Variants in NPNT observed in about 807,000 individuals in gnomAD.
NPNT encodes the protein nephronectin.
In NPNT, 45 loss-of-function variants were observed where a neutral mutation model predicts 68.6. The ratio of observed to expected loss-of-function variants is 0.66; its 90% CI spans 0.52 to 0.84. The LOEUF (loss-of-function observed/expected upper bound fraction) is 0.84. Ranked by LOEUF, NPNT falls within the 40% of genes least tolerant of loss-of-function variation. NPNT has a pLI of 0.00. For synonymous variants in NPNT, 233 were observed against 253.3 expected (o/e 0.92, Z 0.76); for missense variants, 672 against 714.8 (o/e 0.94, Z 0.68).
intron 8 of NPNT, among the ~76,000 whole-genome samples, chr4:105,954,847 A>G (rs1338565373): frequency 6.6e-6 from 1 of 152,182 alleles, no homozygotes; most frequent in Non-Finnish European, 1.5e-5. Context: ...CGTACTCACT[A>G]GCATCCTCTG....
In NPNT at chr4:105,897,945, G is replaced by A. The variant is rs1366879805; in HGVS notation, c.116G>A (p.Gly39Asp). Residue 39 changes from glycine to aspartate, a missense_variant, in exon 2 of 12, where the codon GGT becomes GAT. Coordinates refer to ENST00000379987, the MANE Select transcript of NPNT (RefSeq NM_001033047.3). ...IVSSIGLCRY[G>D]GRIDCCWGWA... ...TCATCGATTGGCCTATGTCGTTATG[G>A]TGGGAGGATTGACTGCTGCTGGGGC... 1.2e-6 allele frequency: 2 copies of A among 1,613,830 alleles called. No individual in the cohort carries two copies. The highest frequency in any genetic ancestry group is 1.7e-6 in the Non-Finnish European group (2 of 1,179,894).
intron 2 of NPNT, among the ~76,000 whole-genome samples, chr4:105,925,990 G>T (rs985241334): frequency 6.6e-6 from 1 of 152,128 alleles, no homozygotes. Context: ...CCACTCACCT[G>T]ATTGTTTCTC....
At chr4:105,958,751 A>G (rs1027004255) in intron 9 of NPNT, 194 bp downstream of exon 9, 139 of 519,216 alleles carry the variant, frequency 2.7e-4, no homozygotes, top group African/African-American at 2.5e-3. Flanking sequence ...AAAAAATTTT[A>G]AAGTAGTACT....
intron 9 of NPNT, 46 bp from the exon 10 acceptor site, chr4:105,958,982 T>C (rs1373878506): frequency 1.6e-6 from 2 of 1,230,426 alleles, no homozygotes; most frequent in African/African-American, 3.0e-5. Flanking sequence ...TTGTTGTTTT[T>C]TGTTGATTTT....
Position 105,951,026 on chromosome 4 carries a change from AAC to A in NPNT, c.1160-7441_1160-7440del, listed in dbSNP as rs763594819. Among the ~76,000 whole-genome samples, 117 of 152,130 alleles carry A rather than the reference AAC, an allele frequency of 7.7e-4. 2 individuals carry two copies. Among genetic ancestry groups the A allele is most frequent in the Admixed American group, 2.6e-4 (4 of 15,276 alleles). ...GACCAGAGACTCTGCATTTCTAACA[AAC>A]ACAGGTAATGTTTCTGATCTGCAGT... On this transcript the variant is annotated intron_variant, in intron 8 of 11. Coordinates refer to ENST00000379987, the MANE Select transcript of NPNT (RefSeq NM_001033047.3).
chr4:105,906,914 A>G (rs1404729177), intron 2 of NPNT, among the ~76,000 whole-genome samples: 1 of 152,194 alleles, frequency 6.6e-6, no homozygotes, highest in African/African-American at 2.4e-5. Flanking sequence ...TAAGGAGGAA[A>G]GGCATGAACA....
At chr4:105,963,375 G>T (rs911902186) in intron 10 of NPNT, among the ~76,000 whole-genome samples, 32 of 152,050 alleles carry the variant, frequency 2.1e-4, no homozygotes, top group African/African-American at 7.7e-4. Context: ...TCTAATCCAA[G>T]ATCCAGATTT....
chr4:105,966,688 G>A (rs1057264386), intron 10 of NPNT, among the ~76,000 whole-genome samples: 1 of 151,232 alleles, frequency 6.6e-6, no homozygotes, highest in Admixed American at 6.6e-5. Context: ...TTTTTAAGTT[G>A]GGGGAGGAGA....
chr4:105,937,918 T>G (rs1729621733), intron 4 of NPNT, among the ~76,000 whole-genome samples: 1 of 152,214 alleles, frequency 6.6e-6, no homozygotes, highest in South Asian at 2.1e-4. Flanking sequence ...TGGAATTAGG[T>G]GAATACATGT....
chr4:105,956,668 A>G (rs938353438), intron 8 of NPNT, among the ~76,000 whole-genome samples: 4 of 152,206 alleles, frequency 2.6e-5, no homozygotes, highest in African/African-American at 9.6e-5. Flanking sequence ...ACAATTTTGT[A>G]ATATTTCTAG....
chr4:105,915,710 C>G (rs1206260222), intron 2 of NPNT, among the ~76,000 whole-genome samples: 4 of 152,274 alleles, frequency 2.6e-5, no homozygotes, highest in South Asian at 2.1e-4. Context: ...ATAATGATTT[C>G]AATTTTGGAT....
At chr4:105,920,395 T>TAAAAAAAAAAAAAA (rs11355483) in intron 2 of NPNT, among the ~76,000 whole-genome samples, 2 of 79,506 alleles carry the variant, frequency 2.5e-5, no homozygotes, top group African/African-American at 1.0e-4. Flanking sequence ...GTTACTCTAC[T>TAAAAAAAAAAAAAA]AAAAAAAAAA....
intron 2 of NPNT, chr4:105,912,061 TCAGAA>T: frequency 1.5e-6 from 1 of 676,778 alleles, no homozygotes; most frequent in Admixed American, 2.5e-5. Context: ...TTTTTTTGTT[TCAGAA>T]AAGCACTGAA....
At chr4:105,938,131 G>A (rs1446782393) in intron 4 of NPNT, among the ~76,000 whole-genome samples, 170 bp from the exon 5 acceptor site, 1 of 152,062 alleles carries the variant, frequency 6.6e-6, no homozygotes, top group African/African-American at 2.4e-5. Context: ...GTCTTTTAAT[G>A]CTTTCTTTCC....
intron 10 of NPNT, 68 bp from the exon 11 acceptor site, chr4:105,967,120 C>T (rs1732208991): frequency 7.0e-7 from 1 of 1,435,818 alleles, no homozygotes; most frequent in South Asian, 1.2e-5. Context: ...ACTAAAACTC[C>T]TGTCCATGCT....
intron 2 of NPNT, among the ~76,000 whole-genome samples, chr4:105,907,048 C>T (rs767344612): frequency 5.9e-5 from 9 of 152,216 alleles, no homozygotes; most frequent in Non-Finnish European, 8.8e-5. Flanking sequence ...ATAGGTGTTC[C>T]GGGGAGTCAA....
In NPNT at chr4:105,938,316, C is replaced by T; in HGVS notation, c.401C>T (p.Ser134Phe). 1 of 1,613,596 alleles carries T rather than the reference C, an allele frequency of 6.2e-7. No homozygotes were observed. Among genetic ancestry groups the T allele is most frequent in the Non-Finnish European group, 8.5e-7 (1 of 1,179,662 alleles). Reference protein sequence around the residue: ...DGSCSSALTCSMANCQYGCDV... With the variant: ...DGSCSSALTCFMANCQYGCDV... ...CTCTTTCCAGGTGCCCTGACCTGCT[C>T]CATGGCAAACTGTCAGTATGGCTGT... Residue 134 changes from serine to phenylalanine, a missense_variant, in exon 5 of 12, where the codon TCC becomes TTC. Ser to Phe is a radical substitution (Grantham distance 155). Coordinates refer to ENST00000379987, the MANE Select transcript of NPNT (RefSeq NM_001033047.3).
chr4:105,962,791 A>T (rs924075114), intron 10 of NPNT, among the ~76,000 whole-genome samples: 1 of 152,146 alleles, frequency 6.6e-6, no homozygotes. Flanking sequence ...ATGGGAAAAT[A>T]CTAATAAAGC....
Position 105,898,377 on chromosome 4 carries a change from TCTC to T in NPNT, c.172+377_172+379del, listed in dbSNP as rs1560882128. ...CTCTCTCTCTCTCTCTCTCTCTCTC[TCTC>T]GCTGACTCGCTTGCTCCAGGCTGGG... On this transcript the variant is annotated intron_variant, in intron 2 of 11. Transcript: ENST00000379987. Among the ~76,000 whole-genome samples, 113 of 121,952 alleles carry T rather than the reference TCTC, an allele frequency of 9.3e-4. 1 individual carries two copies. Among genetic ancestry groups the T allele is most frequent in the Middle Eastern group, 4.0e-3 (1 of 248 alleles). 80.0% of individuals were successfully genotyped at this position (121,952 alleles called of 152,430 possible).
Sources: gnomAD v4.1 joint callset for allele counts (sites outside exome capture counted in the v4.1 genomes callset) on GRCh38, gnomAD v4.1.1 for gene constraint, MANE v1.5 for transcripts, NCBI Gene and HGNC (gene_info 2026-07-23, HGNC 2026-07-21) for gene names.